The following ATE1 variants were observed in gnomAD, a reference collection of about 807,000 sequenced individuals.
The protein encoded by ATE1 is arginyl-tRNA--protein transferase 1.
A neutral mutation model predicts 70.5 loss-of-function variants in ATE1; 36 were observed. The ratio of observed to expected loss-of-function variants is 0.51; its 90% CI spans 0.39 to 0.67. ATE1 has a LOEUF of 0.67. ATE1 is among the 30% of genes least tolerant of loss of function. The pLI is 0.00. For synonymous variants in ATE1, 232 were observed against 219.3 expected, an observed-to-expected ratio of 1.06 and a Z score of -0.51; for missense variants, 593 against 629.5, an observed-to-expected ratio of 0.94 and a Z score of 0.62.
At chr10:121,826,680 G>C (rs1948031464) in intron 10 of ATE1, among the ~76,000 whole-genome samples, 1 of 152,220 alleles carries the variant, frequency 6.6e-6, no homozygotes, top group African/African-American at 2.4e-5. Flanking sequence ...TGTATCGTGT[G>C]ATGTTGAGGT....
chr10:121,779,900 G>C (rs903391038), intron 11 of ATE1, among the ~76,000 whole-genome samples: 5 of 152,154 alleles, frequency 3.3e-5, no homozygotes, highest in African/African-American at 9.7e-5. Context: ...ACTGCTTCCT[G>C]CTTCTGGAAA....
intron 5 of ATE1, among the ~76,000 whole-genome samples, chr10:121,908,497 C>A (rs1254090676): frequency 1.3e-5 from 2 of 151,844 alleles, no homozygotes; most frequent in Non-Finnish European, 2.9e-5. Flanking sequence ...GAGTGAGATT[C>A]TTTCAAAAAA....
intron 10 of ATE1, among the ~76,000 whole-genome samples, chr10:121,815,256 C>T (rs1947492605): frequency 6.6e-6 from 1 of 152,326 alleles, no homozygotes. Flanking sequence ...CTGCCTCAGC[C>T]TCCCGAGTAG....
intron 8 of ATE1, among the ~76,000 whole-genome samples, chr10:121,866,971 A>C (rs1949687644): frequency 6.6e-6 from 1 of 152,188 alleles, no homozygotes; most frequent in South Asian, 2.1e-4. Flanking sequence ...CAAAGCTCTC[A>C]ATCTTAAGTA....
intron 8 of ATE1, among the ~76,000 whole-genome samples, chr10:121,867,951 C>T (rs1041883953): frequency 1.3e-5 from 2 of 151,870 alleles, no homozygotes; most frequent in Non-Finnish European, 2.9e-5. Context: ...AAGTTTTGTC[C>T]GCATCTTTGA....
intron 10 of ATE1, among the ~76,000 whole-genome samples, chr10:121,815,344 G>C (rs138083501): frequency 6.6e-6 from 1 of 152,208 alleles, no homozygotes; most frequent in East Asian, 1.9e-4. Context: ...CACCGTGTTA[G>C]CCAGGATGGT....
At chr10:121,748,243 T>C (rs985416017) in intron 11 of ATE1, among the ~76,000 whole-genome samples, 2 of 152,196 alleles carry the variant, frequency 1.3e-5, no homozygotes, top group Admixed American at 1.3e-4. Context: ...ATCTGATATG[T>C]CATTTTATCT....
intron 9 of ATE1, among the ~76,000 whole-genome samples, chr10:121,837,036 G>C (rs1287389086): frequency 6.6e-6 from 1 of 152,106 alleles, no homozygotes; most frequent in Non-Finnish European, 1.5e-5. Flanking sequence ...TCTAAGTTCA[G>C]GTTTTACACT....
At chr10:121,842,231 CT>C (rs1948657854) in intron 8 of ATE1, among the ~76,000 whole-genome samples, 1 of 152,146 alleles carries the variant, frequency 6.6e-6, no homozygotes, top group Non-Finnish European at 1.5e-5. Flanking sequence ...ATATAACCAT[CT>C]TCCTGTAAAT....
intron 11 of ATE1, among the ~76,000 whole-genome samples, chr10:121,767,598 A>G (rs545774619): frequency 2.0e-5 from 3 of 152,214 alleles, no homozygotes; most frequent in Admixed American, 6.5e-5. Context: ...ATTAATATCC[A>G]TAATATTTAG....
intron 11 of ATE1, among the ~76,000 whole-genome samples, chr10:121,780,532 C>CA (rs1945939300): frequency 6.6e-6 from 1 of 152,230 alleles, no homozygotes; most frequent in Non-Finnish European, 1.5e-5. Flanking sequence ...AACGTGGAGT[C>CA]AAAGAACACA....
At chr10:121,899,049 A>G in intron 7 of ATE1, 1 of 1,481,664 alleles carries the variant, frequency 6.7e-7, no homozygotes, top group Non-Finnish European at 9.1e-7. Flanking sequence ...CTACAGTAAG[A>G]TCTCCACAAA....
intron 1 of ATE1, among the ~76,000 whole-genome samples, 193 bp downstream of exon 1, chr10:121,927,651 A>C (rs1385052100): frequency 2.0e-5 from 3 of 151,946 alleles, no homozygotes; most frequent in African/African-American, 7.2e-5. Flanking sequence ...ACCGGTTAGG[A>C]TTTTCCTGCA....
At chr10:121,803,404 T>C (rs1590342886) in intron 10 of ATE1, among the ~76,000 whole-genome samples, 1 of 152,192 alleles carries the variant, frequency 6.6e-6, no homozygotes, top group South Asian at 2.1e-4. Context: ...TCAAGGCTAA[T>C]TACTGGCAAA....
At chr10:121,900,432 G>C (rs1363281304) in intron 6 of ATE1, among the ~76,000 whole-genome samples, 2 of 152,168 alleles carry the variant, frequency 1.3e-5, no homozygotes, top group Non-Finnish European at 2.9e-5. Context: ...TTGACTGTTT[G>C]AGTTAAAAAG....
intron 11 of ATE1, among the ~76,000 whole-genome samples, chr10:121,775,301 C>T (rs1017768378): frequency 6.6e-6 from 1 of 151,800 alleles, no homozygotes; most frequent in African/African-American, 2.4e-5. Context: ...TTTATGAGAA[C>T]ATAAAGCCTG....
At chr10:121,746,076 T>C (rs1175930985) in intron 11 of ATE1, among the ~76,000 whole-genome samples, 1 of 152,168 alleles carries the variant, frequency 6.6e-6, no homozygotes, top group Non-Finnish European at 1.5e-5. Context: ...AATTACCCGC[T>C]TCCCCAGAGT....
At chr10:121,819,087 G>A (rs928749866) in intron 10 of ATE1, among the ~76,000 whole-genome samples, 1 of 152,116 alleles carries the variant, frequency 6.6e-6, no homozygotes, top group Admixed American at 6.6e-5. Flanking sequence ...GGGTAAATGT[G>A]CTGATAAAAG....
chr10:121,809,733 C>T (rs1042975242), intron 10 of ATE1, among the ~76,000 whole-genome samples: 5 of 151,744 alleles, frequency 3.3e-5, no homozygotes, highest in African/African-American at 1.2e-4. Context: ...GGGACTTACA[C>T]ATCAAGAAAA....
Sources: gnomAD v4.1 joint callset for allele counts (sites outside exome capture counted in the v4.1 genomes callset) on GRCh38, gnomAD v4.1.1 for gene constraint, MANE v1.5 for transcripts, NCBI Gene and HGNC (gene_info 2026-07-23, HGNC 2026-07-21) for gene names.